Variants in TENM3 observed in about 807,000 individuals in gnomAD.
TENM3 encodes the protein teneurin transmembrane protein 3, also known as teneurin-3.
Under a neutral mutation model 255.1 loss-of-function variants are expected in TENM3, and 63 were observed. That is an observed-to-expected ratio of 0.25 (90% CI 0.20 to 0.30). TENM3 has a LOEUF of 0.30. Among genes scored for constraint, TENM3 ranks in the 10% least tolerant of loss-of-function variants. The probability of loss-of-function intolerance (pLI) is 1.00; values close to 1 mark genes in which losing one functional copy is unlikely to be tolerated. For missense variants in TENM3, 2,929 were observed against 3,461.1 expected, an observed-to-expected ratio of 0.85 and a Z score of 3.86; for synonymous variants, 1,306 against 1,322.3, an observed-to-expected ratio of 0.99 and a Z score of 0.27.
the TENM3 span, among the ~76,000 whole-genome samples, chr4:181,934,394 T>G: frequency 1.3e-5 from 2 of 152,216 alleles, no homozygotes; most frequent in Non-Finnish European, 2.9e-5. Context: ...ATGGAAAGTA[T>G]GGTTAATCTA....
intron 1 of TENM3, among the ~76,000 whole-genome samples, chr4:182,273,610 G>A (rs945485445): frequency 6.6e-6 from 1 of 152,180 alleles, no homozygotes; most frequent in Non-Finnish European, 1.5e-5. Flanking sequence ...ATTGATACAT[G>A]CTGATTGTAA....
chr4:182,651,957 A>G (rs1328035136), intron 5 of TENM3, among the ~76,000 whole-genome samples: 2 of 152,232 alleles, frequency 1.3e-5, no homozygotes, highest in African/African-American at 2.4e-5. Context: ...CTTTCAGTCA[A>G]CTGCTTTTCA....
At chr4:182,139,648 G>T (rs1749258584), upstream of TENM3, among the ~76,000 whole-genome samples, 1 of 152,226 alleles carries the variant, frequency 6.6e-6, no homozygotes, top group African/African-American at 2.4e-5. Context: ...GAATAATGTA[G>T]CAAGTTTTAA....
In TENM3 at chr4:182,751,992, T is replaced by A. The variant is rs778493801; in HGVS notation, c.3822T>A (p.Asp1274Glu). The A allele has an allele frequency of 6.2e-7, 1 of 1,611,562 alleles. No homozygotes were observed. Residue 1274 changes from aspartate (D) to glutamate (E), a missense_variant, in exon 20 of 28, where the codon GAT (aspartate) becomes GAA (glutamate). Around this residue, in one of 6 missense-constraint regions of TENM3, gnomAD observed 1,608 missense variants for 1,884.4 expected, o/e 0.85. Transcript: ENST00000511685. The part of the protein sequence containing the change: ...CLPFDEARCG[D>E]GGKAVEATLM... ...CGTTTGACGAGGCGAGATGTGGGGA[T>A]GGAGGGAAGGCCGTGGAAGCCACAC...
intron 3 of TENM3, among the ~76,000 whole-genome samples, chr4:182,529,996 T>C (rs771859247): frequency 6.6e-6 from 1 of 152,216 alleles, no homozygotes; most frequent in Admixed American, 6.5e-5. Context: ...GCGAGGTATC[T>C]TGATACCAAG....
chr4:181,795,917 T>C, the TENM3 span, among the ~76,000 whole-genome samples: 1 of 152,100 alleles, frequency 6.6e-6, no homozygotes, highest in Non-Finnish European at 1.5e-5. Context: ...ATGACTCCAA[T>C]GGGCAAAGCA....
At chr4:181,909,360 C>A in the TENM3 span, among the ~76,000 whole-genome samples, 1 of 152,164 alleles carries the variant, frequency 6.6e-6, no homozygotes, top group Non-Finnish European at 1.5e-5. Flanking sequence ...TGGGTCTATT[C>A]CCCACATCTT....
chr4:181,584,923 C>T, the TENM3 span, among the ~76,000 whole-genome samples: 3 of 147,604 alleles, frequency 2.0e-5, no homozygotes, highest in Non-Finnish European at 3.0e-5. Context: ...ATTAATCTGT[C>T]GGGATGCGGT....
intron 3 of TENM3, among the ~76,000 whole-genome samples, chr4:182,527,707 G>A (rs1560876501): frequency 6.7e-6 from 1 of 149,770 alleles, no homozygotes. Context: ...GTCAAAGTTT[G>A]TTTTTTTTGG....
At chr4:182,319,867 C>T (rs1482625933) in intron 1 of TENM3, among the ~76,000 whole-genome samples, 3 of 152,192 alleles carry the variant, frequency 2.0e-5, no homozygotes, top group Admixed American at 6.5e-5. Context: ...AATCCCAACC[C>T]TTTGGGAGGC....
chr4:181,522,579 A>T, the TENM3 span: 1 of 416,148 alleles, frequency 2.4e-6, no homozygotes, highest in Non-Finnish European at 4.5e-6. Flanking sequence ...AAGCCAGTAA[A>T]TTTGGAGAAA....
At chr4:182,643,308 C>G (rs1244458799) in intron 5 of TENM3, among the ~76,000 whole-genome samples, 2 of 152,016 alleles carry the variant, frequency 1.3e-5, no homozygotes, top group Non-Finnish European at 2.9e-5. Flanking sequence ...CCAAGATATC[C>G]AAGGAATCGT....
At chr4:182,064,969 G>A in the TENM3 span, among the ~76,000 whole-genome samples, 1,223 of 151,938 alleles carry the variant, frequency 8.0e-3, 35 homozygotes, top group Admixed American at 0.05. Context: ...ACACCTGGTT[G>A]CAAATGATTG....
the TENM3 span, among the ~76,000 whole-genome samples, chr4:181,478,640 A>G: frequency 6.6e-6 from 1 of 152,182 alleles, no homozygotes; most frequent in Non-Finnish European, 1.5e-5. Context: ...TAATTCTTTC[A>G]GTAAAAGAAC....
upstream of TENM3, among the ~76,000 whole-genome samples, chr4:182,241,089 C>T (rs910716867): frequency 6.6e-6 from 1 of 152,158 alleles, no homozygotes; most frequent in Non-Finnish European, 1.5e-5. Context: ...TTAATCTGCT[C>T]CCATTCTTGA....
rs576422181 is a variant in TENM3, at chr4:182,565,468, G to A, written c.512-35456G>A. On this transcript the variant is annotated intron_variant, in intron 3 of 27. Coordinates refer to ENST00000511685, the MANE Select transcript of TENM3 (RefSeq NM_001080477.4). Reference sequence around the variant, plus strand: ...AGCAGCTATCTCAAGTCCTCCCGAAGGATATAGTGTAGTGTTGCCACTATG... The same window carrying A: ...AGCAGCTATCTCAAGTCCTCCCGAAAGATATAGTGTAGTGTTGCCACTATG... 4.6e-5 allele frequency among the ~76,000 whole-genome samples: 7 copies of A among 152,270 alleles called. 1 individual carries two copies. Among genetic ancestry groups the A allele is most frequent in the Middle Eastern group, 3.4e-3 (1 of 294 alleles).
At position 182,707,980 on chromosome 4, in the gene TENM3, A is replaced by T. The variant is rs1239030099; in HGVS notation, c.2222-6107A>T. On this transcript the variant is annotated intron_variant, in intron 12 of 27. Transcript: ENST00000511685. ...TTCATCAGTTTTTTCTACTGGGGGGAAAAAACACCTTTTTTTTTTTCTTTT... is the reference window on the plus strand; with the variant it reads ...TTCATCAGTTTTTTCTACTGGGGGGTAAAAACACCTTTTTTTTTTTCTTTT... The T allele has an allele frequency of 2.0e-5, 3 of 148,412 alleles. No individual in the cohort carries two copies. The East Asian group carries it at 5.8e-4, about 29-fold the overall frequency. 9.2% of individuals were successfully genotyped at this position (148,412 alleles called of 1,614,324 possible).
chr4:182,115,959 C>A, the TENM3 span, among the ~76,000 whole-genome samples: 1 of 152,104 alleles, frequency 6.6e-6, no homozygotes. Context: ...ACAGAGTTCC[C>A]ATATATCCTG....
chr4:181,804,942 C>T, the TENM3 span, among the ~76,000 whole-genome samples: 1 of 152,138 alleles, frequency 6.6e-6, no homozygotes, highest in Non-Finnish European at 1.5e-5. Context: ...CAATTCCCTG[C>T]CTCACTCTGC....
Sources: allele counts gnomAD v4.1 joint callset (sites outside exome capture counted in the v4.1 genomes callset), GRCh38; gene constraint gnomAD v4.1.1; regional missense constraint gnomAD v4.1.1; transcripts MANE v1.5; gene names NCBI Gene and HGNC (gene_info 2026-07-23, HGNC 2026-07-21).